Variants in FHIP1A observed in about 807,000 individuals in gnomAD.
The protein encoded by FHIP1A is FHF complex subunit HOOK interacting protein 1A, also known as FHF complex subunit HOOK-interacting protein 1A.
A neutral mutation model predicts 88.6 loss-of-function variants in FHIP1A; 61 were observed. The observed-to-expected ratio is 0.69, with a 90% CI of 0.56 to 0.85. FHIP1A has a LOEUF of 0.85. Ranked by LOEUF, FHIP1A falls within the 40% of genes least tolerant of loss-of-function variation. FHIP1A has a pLI of 0.00. For synonymous variants in FHIP1A, 478 were observed against 496.0 expected (o/e 0.96, Z 0.48); for missense variants, 1,154 against 1,273.5 (o/e 0.91, Z 1.43).
intron 3 of FHIP1A, among the ~76,000 whole-genome samples, chr4:151,503,491 GT>G (rs1730720551): frequency 2.0e-5 from 3 of 152,122 alleles, no homozygotes; most frequent in Non-Finnish European, 2.9e-5. Context: ...CAAGCACACA[GT>G]TAGATAAGCT....
intron 1 of FHIP1A, among the ~76,000 whole-genome samples, chr4:151,419,328 T>A (rs1215497125): frequency 6.6e-6 from 1 of 152,218 alleles, no homozygotes; most frequent in Non-Finnish European, 1.5e-5. Flanking sequence ...AGACTCAAAC[T>A]ATAACTTATG....
At chr4:151,533,573 T>TA (rs1302749164) in intron 3 of FHIP1A, among the ~76,000 whole-genome samples, 2 of 152,194 alleles carry the variant, frequency 1.3e-5, no homozygotes, top group African/African-American at 4.8e-5. Context: ...CATCTGTAAT[T>TA]ATTTATTGAT....
intron 8 of FHIP1A, among the ~76,000 whole-genome samples, chr4:151,634,859 A>G (rs935445408): frequency 1.3e-5 from 2 of 151,900 alleles, no homozygotes; most frequent in African/African-American, 2.4e-5. Context: ...TTTCTTGGAT[A>G]TGACACCAGA....
chr4:151,442,909 G>T (rs1459458023), intron 1 of FHIP1A, among the ~76,000 whole-genome samples: 1 of 152,020 alleles, frequency 6.6e-6, no homozygotes, highest in Non-Finnish European at 1.5e-5. Context: ...TATTTAAAAA[G>T]TTTTTTATTG....
chr4:151,591,122 T>C (rs541777695), intron 7 of FHIP1A, among the ~76,000 whole-genome samples: 2 of 151,462 alleles, frequency 1.3e-5, no homozygotes, highest in East Asian at 3.9e-4. Flanking sequence ...GTAGGATGAA[T>C]AGGGTTAGGG....
chr4:151,420,357 C>T lies in FHIP1A; in HGVS notation c.-356+10892C>T, dbSNP rs1433073821. 2.0e-4 allele frequency among the ~76,000 whole-genome samples: 7 copies of T among 35,528 alleles called. 2 individuals are homozygous for T. Among genetic ancestry groups the T allele is most frequent in the East Asian group, 1.0e-3 (2 of 1,942 alleles). 23.3% of individuals were successfully genotyped at this position (35,528 alleles called of 152,430 possible). ...TGATGGCCAGTGATGATGAGCATTTCTTCATGTGTTTTTTGGCTGCATAAA... is the reference window on the plus strand; with the variant it reads ...TGATGGCCAGTGATGATGAGCATTTTTTCATGTGTTTTTTGGCTGCATAAA... On this transcript the variant is annotated intron_variant, in intron 1 of 13. Coordinates refer to ENST00000435205, the MANE Select transcript of FHIP1A (RefSeq NM_001109977.3).
chr4:151,579,396 A>G (rs1212490153), intron 5 of FHIP1A, among the ~76,000 whole-genome samples: 1 of 152,166 alleles, frequency 6.6e-6, no homozygotes, highest in Non-Finnish European at 1.5e-5. Context: ...CAGTTTTGTC[A>G]TGAACCTTAA....
At position 151,424,721 on chromosome 4, in the gene FHIP1A, G is replaced by A. The variant is rs368558343; in HGVS notation, c.-356+15256G>A. Among the ~76,000 whole-genome samples the A allele has an allele frequency of 1.6e-4, 24 of 151,968 alleles. No homozygotes were observed. In the South Asian group the frequency reaches 2.9e-3, roughly 18 times the overall value. Reference sequence around the variant, plus strand: ...GTTATACTCATTGATTATAGACAAGGTGATCTTTGTAGTCAAGAGGCAGAT... The same window carrying A: ...GTTATACTCATTGATTATAGACAAGATGATCTTTGTAGTCAAGAGGCAGAT... On this transcript the variant is annotated intron_variant, in intron 1 of 13. Transcript: ENST00000435205.
At chr4:151,441,693 G>A (rs1411263009) in intron 1 of FHIP1A, among the ~76,000 whole-genome samples, 1 of 152,158 alleles carries the variant, frequency 6.6e-6, no homozygotes, top group Non-Finnish European at 1.5e-5. Flanking sequence ...GCCAGGAGAT[G>A]TGTGAAAGTT....
chr4:151,548,765 C>T (rs7680604), intron 3 of FHIP1A, among the ~76,000 whole-genome samples: 93,285 of 152,036 alleles, frequency 0.61, 31,060 homozygotes, highest in African/African-American at 0.9. Context: ...CTACTAAAAA[C>T]GCAAAAATTA....
intron 9 of FHIP1A, among the ~76,000 whole-genome samples, chr4:151,639,844 G>A (rs1041613876): frequency 2.0e-5 from 3 of 152,164 alleles, no homozygotes; most frequent in Admixed American, 6.5e-5. Context: ...TTCCTTAGTG[G>A]ACTTCCTGAC....
chr4:151,533,105 G>C (rs1297133264), intron 3 of FHIP1A: 1 of 152,246 alleles, frequency 6.6e-6, no homozygotes, highest in Non-Finnish European at 1.5e-5. Flanking sequence ...TGTGGAGAGA[G>C]ATCTGTACTA....
chr4:151,637,728 A>G (rs1467939607), intron 8 of FHIP1A, among the ~76,000 whole-genome samples: 8 of 152,194 alleles, frequency 5.3e-5, no homozygotes, highest in Non-Finnish European at 8.8e-5. Flanking sequence ...ATTGCATTTA[A>G]TGGAACCACG....
chr4:151,609,486 A>G (rs1356137888), intron 7 of FHIP1A, among the ~76,000 whole-genome samples: 1 of 152,226 alleles, frequency 6.6e-6, no homozygotes, highest in Admixed American at 6.5e-5. Flanking sequence ...CTGTGGACCA[A>G]CTGTAGAACA....
chr4:151,570,245 T>G (rs1481573434), intron 4 of FHIP1A, among the ~76,000 whole-genome samples: 1 of 152,184 alleles, frequency 6.6e-6, no homozygotes, highest in Non-Finnish European at 1.5e-5. Flanking sequence ...TCATGCTGTT[T>G]CATCCCTCTG....
intron 8 of FHIP1A, among the ~76,000 whole-genome samples, chr4:151,638,363 G>A (rs562425668): frequency 6.7e-6 from 1 of 148,646 alleles, no homozygotes; most frequent in South Asian, 2.1e-4. Context: ...GAGAGAGAGA[G>A]AGAATTGGAG....
intron 1 of FHIP1A, among the ~76,000 whole-genome samples, chr4:151,439,804 GCTT>G (rs1728340258): frequency 6.6e-6 from 1 of 152,082 alleles, no homozygotes. Flanking sequence ...ACTTCTCCTA[GCTT>G]CATTTAGTTT....
At chr4:151,470,338 T>C (rs1291879701) in intron 2 of FHIP1A, among the ~76,000 whole-genome samples, 1 of 152,202 alleles carries the variant, frequency 6.6e-6, no homozygotes, top group Non-Finnish European at 1.5e-5. Context: ...AAAAGGAGTT[T>C]GTGTTGAGGC....
At chr4:151,593,658 T>G (rs1038717320) in intron 7 of FHIP1A, among the ~76,000 whole-genome samples, 4 of 152,152 alleles carry the variant, frequency 2.6e-5, no homozygotes, top group Non-Finnish European at 5.9e-5. Context: ...AGGAGATTTT[T>G]GGCTGAGATG....
Sources: gnomAD v4.1 joint callset for allele counts (sites outside exome capture counted in the v4.1 genomes callset) on GRCh38, gnomAD v4.1.1 for gene constraint, MANE v1.5 for transcripts, NCBI Gene and HGNC (gene_info 2026-07-23, HGNC 2026-07-21) for gene names.